TATDN1: variants seen among roughly 807,000 people sequenced by gnomAD.
TATDN1 encodes TatD DNase domain containing 1.
In TATDN1, 40 loss-of-function variants were observed where a neutral mutation model predicts 46.4. The observed-to-expected ratio is 0.86, with a 90% CI of 0.67 to 1.12. TATDN1 has a LOEUF of 1.12. TATDN1 is among the 50% of genes most tolerant of loss of function. The pLI, the probability that TATDN1 is intolerant of heterozygous loss-of-function variation, is 0.00. For missense variants in TATDN1, 326 were observed against 348.4 expected (o/e 0.94, Z 0.51); for synonymous variants, 95 against 105.6 (o/e 0.90, Z 0.62).
At chr8:124,538,803 CTTG>C (rs1459099141) in intron 1 of TATDN1, 2 of 606,812 alleles carry the variant, frequency 3.3e-6, no homozygotes, top group South Asian at 2.0e-5. Flanking sequence ...AACTGTACGG[CTTG>C]TTAATTTTTA....
intron 1 of TATDN1, among the ~76,000 whole-genome samples, chr8:124,534,145 C>CA (rs869060230): frequency 0.022 from 1,106 of 51,228 alleles, 262 homozygotes; most frequent in East Asian, 0.092. Context: ...GACTCCGTCT[C>CA]AAAAAAAAAA....
intron 9 of TATDN1, chr8:124,504,068 A>AG: frequency 1.3e-6 from 1 of 781,034 alleles, no homozygotes. Context: ...ATAATGTAGT[A>AG]GTCTATAACT....
chr8:124,504,183 A>G, intron 9 of TATDN1, 88 bp downstream of exon 9: 1 of 988,214 alleles, frequency 1.0e-6, no homozygotes, highest in Non-Finnish European at 1.5e-6. Flanking sequence ...CTTTAATGAA[A>G]ATAAATCTTC....
intron 1 of TATDN1, among the ~76,000 whole-genome samples, chr8:124,535,641 C>G (rs1821368297): frequency 6.6e-6 from 1 of 152,132 alleles, no homozygotes; most frequent in Admixed American, 6.5e-5. Flanking sequence ...TACAGAAGAT[C>G]TGGAAAGATA....
chr8:124,522,106 A>G, intron 3 of TATDN1, 45 bp downstream of exon 3: 1 of 1,411,236 alleles, frequency 7.1e-7, no homozygotes, highest in Admixed American at 1.9e-5. Flanking sequence ...AATTTAGTTA[A>G]AAAATGAATT....
intron 6 of TATDN1, among the ~76,000 whole-genome samples, chr8:124,513,349 T>C (rs965315352): frequency 1.3e-5 from 2 of 152,250 alleles, no homozygotes; most frequent in African/African-American, 4.8e-5. Context: ...TCATATGCTG[T>C]CACCTTAGAG....
intron 6 of TATDN1, among the ~76,000 whole-genome samples, chr8:124,509,595 A>T (rs1252137721): frequency 6.6e-6 from 1 of 152,178 alleles, no homozygotes; most frequent in Non-Finnish European, 1.5e-5. Context: ...TAAGCACTTT[A>T]ATTTGGGGAA....
intron 6 of TATDN1, among the ~76,000 whole-genome samples, chr8:124,514,790 T>C (rs1404336601): frequency 6.6e-6 from 1 of 152,202 alleles, no homozygotes; most frequent in East Asian, 1.9e-4. Context: ...TTACAGGAAG[T>C]CCTGCAGGGT....
chr8:124,511,893 C>A (rs1586619366), intron 6 of TATDN1, among the ~76,000 whole-genome samples: 1 of 152,080 alleles, frequency 6.6e-6, no homozygotes, highest in Non-Finnish European at 1.5e-5. Flanking sequence ...GCAGCAATCT[C>A]CCCATTTTAA....
At chr8:124,492,026 G>C (rs1237237567) in intron 11 of TATDN1, among the ~76,000 whole-genome samples, 5 of 149,402 alleles carry the variant, frequency 3.3e-5, no homozygotes, top group Non-Finnish European at 5.9e-5. Context: ...CCAGGCTAGA[G>C]TGCAATGGTG....
chr8:124,528,545 A>G (rs1055500655), intron 1 of TATDN1, among the ~76,000 whole-genome samples: 1 of 152,198 alleles, frequency 6.6e-6, no homozygotes, highest in Non-Finnish European at 1.5e-5. Flanking sequence ...TTGTTTGGCT[A>G]GGAGAAAATC....
At chr8:124,497,628 CA>C (rs1817588797) in intron 9 of TATDN1, among the ~76,000 whole-genome samples, 1 of 152,100 alleles carries the variant, frequency 6.6e-6, no homozygotes, top group African/African-American at 2.4e-5. Context: ...GTACCATCTA[CA>C]GGCTGGATAG....
intron 6 of TATDN1, among the ~76,000 whole-genome samples, chr8:124,513,464 T>C (rs1193894604): frequency 6.6e-6 from 1 of 152,204 alleles, no homozygotes; most frequent in Non-Finnish European, 1.5e-5. Flanking sequence ...AGTCTTATTC[T>C]TCTTTGTATC....
chr8:124,515,160 C>T (rs1819355788), intron 6 of TATDN1, among the ~76,000 whole-genome samples: 1 of 152,154 alleles, frequency 6.6e-6, no homozygotes, highest in Non-Finnish European at 1.5e-5. Flanking sequence ...GCGGGTGGAT[C>T]ATTTGAGGTC....
At chr8:124,495,264 T>C (rs944064350) in intron 10 of TATDN1, 4 of 559,018 alleles carry the variant, frequency 7.2e-6, no homozygotes, top group Non-Finnish European at 1.2e-5. Context: ...TGCTTAGACA[T>C]AGCAAACTTC....
chr8:124,508,475 A>G lies in TATDN1; in HGVS notation c.515T>C (p.Val172Ala). The change falls in exon 8 of 12, where the codon GTG becomes GCG. Residue 172 changes from valine to alanine, a missense_variant and splice_region_variant. Physicochemically the swap from Val to Ala is moderately conservative, Grantham distance 64. Transcript: ENST00000276692. ...TAAAAATGACTATTTTATACTTACCACTCCCCCTACACACCGATCTCTATT... is the reference window on the plus strand; with the variant it reads ...TAAAAATGACTATTTTATACTTACCGCTCCCCCTACACACCGATCTCTATT... Reference protein sequence around the residue: ...KRNRDRCVGGVVHSFDGTKEA... With the variant: ...KRNRDRCVGGAVHSFDGTKEA... 2.5e-6 allele frequency: 4 copies of G among 1,611,392 alleles called. No homozygotes were observed. The highest frequency in any genetic ancestry group is 3.4e-6 in the Non-Finnish European group (4 of 1,178,682).
At position 124,511,380 on chromosome 8, in the gene TATDN1, T is replaced by C. The variant is rs192519982; in HGVS notation, c.390-2692A>G. Among the ~76,000 whole-genome samples the C allele has an allele frequency of 2.1e-3, 313 of 152,292 alleles. 2 individuals are homozygous for C. Among genetic ancestry groups the C allele is most frequent in the African/African-American group, 7.1e-3 (293 of 41,556 alleles). Reference sequence around the variant, plus strand: ...CTGCTTGATGGCAACATGGCCTCAATTGCTCATCTCTAGGGTCCCCTAAAT... The same window carrying C: ...CTGCTTGATGGCAACATGGCCTCAACTGCTCATCTCTAGGGTCCCCTAAAT... On this transcript the variant is annotated intron_variant, in intron 6 of 11. Coordinates refer to ENST00000276692, the MANE Select transcript of TATDN1 (RefSeq NM_032026.4).
intron 9 of TATDN1, among the ~76,000 whole-genome samples, chr8:124,503,653 G>A (rs1323946824): frequency 6.6e-6 from 1 of 152,142 alleles, no homozygotes; most frequent in Non-Finnish European, 1.5e-5. Flanking sequence ...GATTTAATAG[G>A]CTACACTGAC....
chr8:124,495,311 T>C (rs1262906499), intron 10 of TATDN1, 161 bp downstream of exon 10: 1 of 631,004 alleles, frequency 1.6e-6, no homozygotes, highest in African/African-American at 1.9e-5. Flanking sequence ...GTTTTTCCAT[T>C]AATAACCCCC....
Sources: gnomAD v4.1 joint callset for allele counts (sites outside exome capture counted in the v4.1 genomes callset) on GRCh38, gnomAD v4.1.1 for gene constraint, MANE v1.5 for transcripts, NCBI Gene and HGNC (gene_info 2026-07-23, HGNC 2026-07-21) for gene names.